MICU2: variants seen among roughly 807,000 people sequenced by gnomAD.
The protein encoded by MICU2 is mitochondrial calcium uptake 2, also known as calcium uptake protein 2, mitochondrial.
MICU2 carries 64 observed loss-of-function variants against 60.4 expected under a neutral mutation model. That is an observed-to-expected ratio of 1.06 (90% CI 0.87 to 1.31). The LOEUF is 1.31. Ranked by LOEUF, MICU2 falls within the 50% of genes most tolerant of loss-of-function variation. MICU2 has a pLI of 0.00. For synonymous variants in MICU2, 201 were observed against 175.0 expected (o/e 1.15, Z -1.17); for missense variants, 569 against 531.0 (o/e 1.07, Z -0.70).
Position 21,510,030 on chromosome 13 carries a change from T to C in MICU2, c.735A>G (p.Arg245=). The change falls in exon 8 of 12, where the codon AGA becomes AGG. Residue 245 remains arginine (R), a synonymous_variant. Coordinates refer to ENST00000382374, the MANE Select transcript of MICU2 (RefSeq NM_152726.3). ...QMRFFGKRGQ[R]KLHYKEFRRF... ...TTCGAAATTCTTTATAATGAAGTTT[T>C]CTTTGTCCTCTTTTTCCAAAGAAAC... The C allele has an allele frequency of 6.5e-7, 1 of 1,544,902 alleles. No individual in the cohort carries two copies. Among genetic ancestry groups the C allele is most frequent in the Non-Finnish European group, 8.7e-7 (1 of 1,152,102 alleles).
At chr13:21,546,999 T>C (rs1887434284) in intron 2 of MICU2, among the ~76,000 whole-genome samples, 1 of 152,180 alleles carries the variant, frequency 6.6e-6, no homozygotes, top group African/African-American at 2.4e-5. Flanking sequence ...CCTTTTTGCA[T>C]TGGCTAGACC....
chr13:21,603,610 T>G, intron 1 of MICU2: 1 of 373,426 alleles, frequency 2.7e-6, no homozygotes, highest in South Asian at 4.4e-5. Context: ...AGTGAGATTC[T>G]GAATTAGGAG....
intron 1 of MICU2, among the ~76,000 whole-genome samples, chr13:21,573,698 T>A (rs1229334390): frequency 2.0e-5 from 3 of 151,990 alleles, no homozygotes; most frequent in African/African-American, 7.3e-5. Flanking sequence ...GACCGCTGCA[T>A]TCAACCTTTT....
At chr13:21,557,239 C>A (rs548029783) in intron 2 of MICU2, among the ~76,000 whole-genome samples, 1 of 152,194 alleles carries the variant, frequency 6.6e-6, no homozygotes, top group African/African-American at 2.4e-5. Flanking sequence ...GGAGCAATTC[C>A]AGGTAATGGA....
chr13:21,532,585 T>C (rs1887028302), intron 4 of MICU2, among the ~76,000 whole-genome samples: 2 of 152,228 alleles, frequency 1.3e-5, no homozygotes, highest in Admixed American at 1.3e-4. Flanking sequence ...TAGGTGGTTC[T>C]TGTTGAATTT....
intron 8 of MICU2, among the ~76,000 whole-genome samples, chr13:21,508,133 T>C (rs958781629): frequency 5.3e-5 from 8 of 151,114 alleles, no homozygotes; most frequent in Non-Finnish European, 1.0e-4. Context: ...TCTTTCTTTT[T>C]TTTTTTTTTT....
intron 4 of MICU2, among the ~76,000 whole-genome samples, chr13:21,533,840 T>C (rs1887066630): frequency 6.6e-6 from 1 of 152,166 alleles, no homozygotes; most frequent in South Asian, 2.1e-4. Context: ...ACTATTAAGC[T>C]GATAAAACAT....
At chr13:21,580,604 A>AACTCTTAAATATTTAAGAGTT (rs1413370443) in intron 1 of MICU2, among the ~76,000 whole-genome samples, 47 of 151,836 alleles carry the variant, frequency 3.1e-4, no homozygotes, top group Non-Finnish European at 5.0e-4. Flanking sequence ...ATTTAAGAGT[A>AACTCTTAAATATTTAAGAGTT]ACTCTTAAAT....
chr13:21,504,815 C>T (rs1886255883), intron 8 of MICU2, among the ~76,000 whole-genome samples: 1 of 152,160 alleles, frequency 6.6e-6, no homozygotes, highest in South Asian at 2.1e-4. Flanking sequence ...GGGAGCTTGA[C>T]ATTGGCATGG....
chr13:21,506,357 A>G (rs1308435369), intron 8 of MICU2, among the ~76,000 whole-genome samples: 1 of 151,928 alleles, frequency 6.6e-6, no homozygotes, highest in Non-Finnish European at 1.5e-5. Context: ...CTCACCCACA[A>G]CCTCAGCTCT....
In MICU2 at chr13:21,512,445, AT is replaced by A. The variant is rs139822285; in HGVS notation, c.663+1907del. Among the ~76,000 whole-genome samples, 502 of 125,224 alleles carry A rather than the reference AT, an allele frequency of 4.0e-3. 1 individual carries two copies. The highest frequency in any genetic ancestry group is 0.011 in the African/African-American group (357 of 33,232). The allele number at this position is 125,224 out of a possible 152,430, so 82.2% of individuals were successfully genotyped here. A position where few individuals can be genotyped will look rare whatever the true frequency, so the allele number is the denominator to read the frequency against. The stretch of plus-strand genomic sequence containing the variant: ...GTCCTCTGATGAACACAAATTTTTA[AT>A]TTTTTTTTTTTTTTTTTTTGAGACG... On this transcript the variant is annotated intron_variant, in intron 7 of 11. Transcript: ENST00000382374.
intron 4 of MICU2, among the ~76,000 whole-genome samples, chr13:21,535,025 G>A (rs944673759): frequency 6.6e-6 from 1 of 152,134 alleles, no homozygotes; most frequent in Non-Finnish European, 1.5e-5. Flanking sequence ...AAGCTGTACA[G>A]GTACTTCTTT....
At chr13:21,577,949 G>A (rs1888264872) in intron 1 of MICU2, among the ~76,000 whole-genome samples, 2 of 150,738 alleles carry the variant, frequency 1.3e-5, no homozygotes, top group East Asian at 2.0e-4. Context: ...ACTGCACTCC[G>A]GCCTGGGTGA....
intron 9 of MICU2, among the ~76,000 whole-genome samples, chr13:21,500,169 G>A (rs927472116): frequency 6.6e-5 from 10 of 152,332 alleles, no homozygotes; most frequent in South Asian, 2.1e-4. Context: ...TGGGGCTTGG[G>A]AGGCAAGGGG....
intron 6 of MICU2, among the ~76,000 whole-genome samples, chr13:21,517,812 C>T (rs925644802): frequency 9.9e-5 from 15 of 151,382 alleles, no homozygotes; most frequent in Middle Eastern, 3.4e-3. Flanking sequence ...CGCGCGCGCG[C>T]GCACACGCGC....
intron 4 of MICU2, among the ~76,000 whole-genome samples, chr13:21,529,154 G>A (rs1038150407): frequency 2.0e-5 from 3 of 152,130 alleles, no homozygotes; most frequent in Admixed American, 1.3e-4. Flanking sequence ...AGATGAATTC[G>A]ATAAATACTT....
rs902735529 is a variant in MICU2 at position 21,577,833 on chromosome 13, C to T, written c.211-10889G>A. Reference sequence around the variant, plus strand: ...AAAAAAAAAAAAAAAAAAAAAGTTACCCACATGTGGTGGCGCACACCTATA... The same window carrying T: ...AAAAAAAAAAAAAAAAAAAAAGTTATCCACATGTGGTGGCGCACACCTATA... On this transcript the variant is annotated intron_variant, in intron 1 of 11. Coordinates refer to ENST00000382374, the MANE Select transcript of MICU2 (RefSeq NM_152726.3). 5.7e-4 allele frequency among the ~76,000 whole-genome samples: 81 copies of T among 143,030 alleles called. 1 individual carries two copies. Among genetic ancestry groups the T allele is most frequent in the Admixed American group, 1.4e-4 (2 of 14,400 alleles). 93.8% of individuals were successfully genotyped at this position (143,030 alleles called of 152,430 possible). A position where few individuals can be genotyped will look rare whatever the true frequency, so the allele number is the denominator to read the frequency against.
At chr13:21,578,610 T>A (rs1023499531) in intron 1 of MICU2, among the ~76,000 whole-genome samples, 28 of 151,362 alleles carry the variant, frequency 1.8e-4, no homozygotes, top group Middle Eastern at 3.4e-3. Context: ...AAAAAAAAAA[T>A]ATTTTAGTCT....
chr13:21,576,997 G>A (rs1458917065), intron 1 of MICU2, among the ~76,000 whole-genome samples: 1 of 152,112 alleles, frequency 6.6e-6, no homozygotes, highest in African/African-American at 2.4e-5. Flanking sequence ...TTTGAATTCA[G>A]GAGCAGATTT....
Sources: allele counts gnomAD v4.1 joint callset (sites outside exome capture counted in the v4.1 genomes callset), GRCh38; gene constraint gnomAD v4.1.1; transcripts MANE v1.5; gene names NCBI Gene and HGNC (gene_info 2026-07-23, HGNC 2026-07-21).